Variants in MMRN1 observed in about 807,000 individuals in gnomAD.
MMRN1 encodes the protein multimerin-1.
MMRN1 carries 94 observed loss-of-function variants against 100.7 expected under a neutral mutation model. The ratio of observed to expected loss-of-function variants is 0.93; its 90% CI spans 0.79 to 1.11. The LOEUF (loss-of-function observed/expected upper bound fraction) is 1.11. Among genes scored for constraint, MMRN1 ranks in the 50% least tolerant of loss-of-function variants. MMRN1 has a pLI of 0.00. For synonymous variants in MMRN1, 575 were observed against 505.0 expected (o/e 1.14, Z -1.86); for missense variants, 1,606 against 1,439.1 (o/e 1.12, Z -1.88).
At chr4:89,889,352 C>T (rs893487909) in intron 1 of MMRN1, among the ~76,000 whole-genome samples, 3 of 152,116 alleles carry the variant, frequency 2.0e-5, no homozygotes, top group African/African-American at 7.2e-5. Context: ...CATCTGAAAC[C>T]AGAGGGCGTC....
At chr4:89,934,569 T>C (rs1467934578) in intron 5 of MMRN1, among the ~76,000 whole-genome samples, 1 of 152,184 alleles carries the variant, frequency 6.6e-6, no homozygotes, top group Non-Finnish European at 1.5e-5. Flanking sequence ...ACCTTAGTTT[T>C]ATGGTTTTAG....
intron 1 of MMRN1, among the ~76,000 whole-genome samples, chr4:89,884,864 C>A (rs560015682): frequency 6.6e-6 from 1 of 152,104 alleles, no homozygotes; most frequent in Non-Finnish European, 1.5e-5. Context: ...CTGCTAATTT[C>A]TTTTATTCCT....
Position 89,936,173 on chromosome 4 carries a change from T to C in MMRN1, c.2493T>C (p.Thr831=). Residue 831 remains threonine (T), a synonymous_variant, in exon 6 of 8, where the codon ACT becomes ACC. Coordinates refer to ENST00000264790, the MANE Select transcript of MMRN1 (RefSeq NM_007351.3). The stretch of plus-strand genomic sequence containing the variant: ...TGTATCAAATGTTCAATGAAACCAC[T>C]TCCCAAGTGAGAAAATACCAGCAAA... ...QKMYQMFNET[T]SQVRKYQQNM... 1 of 1,611,146 alleles carries C rather than the reference T, an allele frequency of 6.2e-7. No individual in the cohort carries two copies. The highest frequency in any genetic ancestry group is 1.1e-5 in the South Asian group (1 of 90,290).
At chr4:89,948,749 G>T (rs1043443886) in intron 6 of MMRN1, among the ~76,000 whole-genome samples, 2 of 152,122 alleles carry the variant, frequency 1.3e-5, no homozygotes, top group Admixed American at 1.3e-4. Context: ...GACTTGGAAA[G>T]TCCAGACATA....
chr4:89,921,405 T>G (rs1226585706), intron 3 of MMRN1, among the ~76,000 whole-genome samples: 1 of 152,168 alleles, frequency 6.6e-6, no homozygotes, highest in African/African-American at 2.4e-5. Context: ...TACTCTCTAG[T>G]TATACTCTTG....
At chr4:89,897,817 A>C (rs1429212129) in intron 1 of MMRN1, among the ~76,000 whole-genome samples, 1 of 152,180 alleles carries the variant, frequency 6.6e-6, no homozygotes, top group Admixed American at 6.5e-5. Context: ...TGTCTAAGGA[A>C]TATTCCCTAT....
Position 89,927,981 on chromosome 4 carries a change from TA to T in MMRN1, c.1129+17del. 1 of 1,518,224 alleles carries T rather than the reference TA, an allele frequency of 6.6e-7. No individual in the cohort carries two copies. Among genetic ancestry groups the T allele is most frequent in the Admixed American group, 2.1e-5 (1 of 46,810 alleles). The allele number at this position is 1,518,224 out of a possible 1,614,324, so 94.0% of individuals were successfully genotyped here. ...TCTCTTCTAAAAGGTAAAAATGAAA[TA>T]AAATAAAATATTCATTCAGTAACAC... On this transcript the variant is annotated intron_variant, in intron 5 of 7. Coordinates refer to ENST00000264790, the MANE Select transcript of MMRN1 (RefSeq NM_007351.3).
Position 89,951,432 on chromosome 4 carries a change from A to G in MMRN1, c.3119-173A>G, listed in dbSNP as rs1224802742. 7.8e-6 allele frequency: 4 copies of G among 513,454 alleles called. No individual in the cohort carries two copies. In the Admixed American group the frequency reaches 1.1e-4, roughly 15 times the overall value. 31.8% of individuals were successfully genotyped at this position (513,454 alleles called of 1,614,324 possible). On this transcript the variant is annotated intron_variant, in intron 6 of 7. Coordinates refer to ENST00000264790, the MANE Select transcript of MMRN1 (RefSeq NM_007351.3). ...TGAAGGAGATAGAGAGATCAGAGCT[A>G]AGGGATTTGCATGACGTCCTGTGCC...
chr4:89,918,310 G>T (rs1348985436), intron 3 of MMRN1, among the ~76,000 whole-genome samples: 1 of 151,510 alleles, frequency 6.6e-6, no homozygotes, highest in Non-Finnish European at 1.5e-5. Context: ...GCTGAAAAAG[G>T]ATTGGCATTT....
At chr4:89,930,585 C>G (rs947530221) in intron 5 of MMRN1, among the ~76,000 whole-genome samples, 2 of 151,796 alleles carry the variant, frequency 1.3e-5, no homozygotes, top group African/African-American at 4.8e-5. Flanking sequence ...TAAAGAAGGT[C>G]GAATCTGAAC....
At chr4:89,909,475 C>T in intron 2 of MMRN1, 80 bp downstream of exon 2, 1 of 1,519,780 alleles carries the variant, frequency 6.6e-7, no homozygotes, top group South Asian at 1.2e-5. Context: ...GTTATTCATG[C>T]AAGGTACATA....
At chr4:89,896,634 C>CT (rs1721213769) in intron 1 of MMRN1, among the ~76,000 whole-genome samples, 1 of 151,984 alleles carries the variant, frequency 6.6e-6, no homozygotes, top group Non-Finnish European at 1.5e-5. Flanking sequence ...GGTTAAATAT[C>CT]TTACTAATAA....
At chr4:89,904,117 C>T (rs1464850218) in intron 1 of MMRN1, among the ~76,000 whole-genome samples, 1 of 151,544 alleles carries the variant, frequency 6.6e-6, no homozygotes, top group African/African-American at 2.4e-5. Flanking sequence ...CTTCTTTTCC[C>T]CTTTCCTGTT....
At chr4:89,930,582 G>A (rs1169004469) in intron 5 of MMRN1, among the ~76,000 whole-genome samples, 1 of 151,856 alleles carries the variant, frequency 6.6e-6, no homozygotes, top group Non-Finnish European at 1.5e-5. Context: ...ATTTAAAGAA[G>A]GTCGAATCTG....
At position 89,897,824 on chromosome 4, in the gene MMRN1, C is replaced by T. The variant is rs576557058; in HGVS notation, c.623+2230C>T. Among the ~76,000 whole-genome samples, 33 of 152,188 alleles carry T rather than the reference C, an allele frequency of 2.2e-4. 1 individual carries two copies. The highest frequency in any genetic ancestry group is 2.2e-3 in the Admixed American group (33 of 15,282). ...AATTCCTCTGTCTAAGGAATATTCC[C>T]TATAAAAAGTAAACACTAACATACC... is the stretch of plus-strand genomic sequence containing the variant. On this transcript the variant is annotated intron_variant, in intron 1 of 7. Coordinates refer to ENST00000264790, the MANE Select transcript of MMRN1 (RefSeq NM_007351.3).
At chr4:89,917,588 A>G (rs1374190623) in intron 3 of MMRN1, among the ~76,000 whole-genome samples, 1 of 151,966 alleles carries the variant, frequency 6.6e-6, no homozygotes, top group Non-Finnish European at 1.5e-5. Flanking sequence ...CACTCATATC[A>G]TTCTAATAAT....
At chr4:89,944,164 A>T (rs918587112) in intron 6 of MMRN1, among the ~76,000 whole-genome samples, 2 of 152,230 alleles carry the variant, frequency 1.3e-5, no homozygotes, top group African/African-American at 4.8e-5. Context: ...TCTAACTTGT[A>T]TTCAATTTTT....
intron 1 of MMRN1, among the ~76,000 whole-genome samples, chr4:89,887,219 A>G (rs2110571699): frequency 6.6e-6 from 1 of 152,252 alleles, no homozygotes; most frequent in South Asian, 2.1e-4. Flanking sequence ...TAAAGTGTCC[A>G]CACTACCCAA....
chr4:89,951,365 C>T (rs148244774), intron 6 of MMRN1: 4 of 363,086 alleles, frequency 1.1e-5, no homozygotes, highest in African/African-American at 8.4e-5. Flanking sequence ...TAACATTTCA[C>T]ACCAATAAAT....
Sources: gnomAD v4.1 joint callset for allele counts (sites outside exome capture counted in the v4.1 genomes callset) on GRCh38, gnomAD v4.1.1 for gene constraint, MANE v1.5 for transcripts, NCBI Gene and HGNC (gene_info 2026-07-23, HGNC 2026-07-21) for gene names.